Variants in PIAS3 observed in about 807,000 individuals in gnomAD.
PIAS3 encodes the protein protein inhibitor of activated STAT 3.
A neutral mutation model predicts 67.6 loss-of-function variants in PIAS3; 34 were observed. The ratio of observed to expected loss-of-function variants is 0.50; its 90% confidence interval spans 0.38 to 0.67. The LOEUF (loss-of-function observed/expected upper bound fraction) is 0.67. PIAS3 is among the 30% of genes least tolerant of loss of function. The probability of loss-of-function intolerance (pLI) is 0.00; values close to 1 mark genes in which losing one functional copy is unlikely to be tolerated. For synonymous variants in PIAS3, 341 were observed against 313.8 expected (o/e 1.09, Z -0.92); for missense variants, 693 against 791.6 (o/e 0.88, Z 1.49).
At chr1:145,850,395 G>A in intron 12 of PIAS3, 58 bp downstream of exon 12, 1 of 1,611,330 alleles carries the variant, frequency 6.2e-7, no homozygotes, top group Non-Finnish European at 8.5e-7. Context: ...CAGGGGTTCT[G>A]ATGTAGCTCT....
chr1:145,856,525 C>T (rs1653194575), intron 2 of PIAS3, 64 bp downstream of exon 2: 1 of 1,597,340 alleles, frequency 6.3e-7, no homozygotes, highest in African/African-American at 1.3e-5. Flanking sequence ...AGGACTAAAG[C>T]CTAAGAAATG....
chr1:145,850,976 G>A, intron 10 of PIAS3, 37 bp from the exon 11 acceptor site: 3 of 1,614,104 alleles, frequency 1.9e-6, no homozygotes, highest in Non-Finnish European at 2.5e-6. Context: ...CAGAGAAGAG[G>A]CCATCCAAGA....
At chr1:145,857,417 C>A in intron 1 of PIAS3, 1 of 197,332 alleles carries the variant, frequency 5.1e-6, no homozygotes, top group Non-Finnish European at 1.1e-5. Flanking sequence ...TCCCAGCCTC[C>A]TGGGAACAGG....
chr1:145,854,315 AG>A, intron 7 of PIAS3, 142 bp downstream of exon 7: 1 of 641,824 alleles, frequency 1.6e-6, no homozygotes, highest in African/African-American at 1.8e-5. Flanking sequence ...AAGACTGGTC[AG>A]GGGTAGAGGG....
Position 145,856,666 on chromosome 1 carries a change from G to A in PIAS3, c.365C>T (p.Pro122Leu). 6.2e-7 allele frequency: 1 copy of A among 1,603,694 alleles called. No homozygotes were observed. The highest frequency in any genetic ancestry group is 8.5e-7 in the Non-Finnish European group (1 of 1,173,794). Residue 122 changes from proline to leucine, a missense_variant, in exon 2 of 14, where the codon CCT becomes CTT. Physicochemically the swap from Pro to Leu is moderately conservative, Grantham distance 98 (BLOSUM62 -3). This residue lies in a region of PIAS3 where 308 missense variants were observed against 348.8 expected (regional missense o/e 0.88). Coordinates refer to ENST00000393045, the MANE Select transcript of PIAS3 (RefSeq NM_006099.3). ...EVDMHPPLPQ[P>L]VHPDVTMKPL... Reference sequence around the variant, plus strand: ...TTTCATGGTGACATCAGGGTGCACAGGCTGGGGCAGAGGGGGGTGCATGTC... The same window carrying A: ...TTTCATGGTGACATCAGGGTGCACAAGCTGGGGCAGAGGGGGGTGCATGTC...
At chr1:145,854,130 G>A in intron 7 of PIAS3, 1 of 596,630 alleles carries the variant, frequency 1.7e-6, no homozygotes, top group Non-Finnish European at 3.0e-6. Context: ...GAGATGATCT[G>A]GAGGAGTTGA....
intron 13 of PIAS3, chr1:145,849,921 G>A: frequency 7.0e-7 from 1 of 1,434,262 alleles, no homozygotes; most frequent in Middle Eastern, 2.6e-4. Context: ...AACTTGTTAG[G>A]TTCTTGGCTT....
chr1:145,856,998 C>T lies in PIAS3; in HGVS notation c.33G>A (p.Val11=), dbSNP rs1392616454. Residue 11 remains valine (V), a synonymous_variant, in exon 2 of 14, where the codon GTG becomes GTA. Transcript: ENST00000393045. ...GGAGCTCAGACACCCGGAAACTCATCACCATGTGCTGTGGAGAAAAACAGA... is the reference window on the plus strand; with the variant it reads ...GGAGCTCAGACACCCGGAAACTCATTACCATGTGCTGTGGAGAAAAACAGA... MAELGELKHM[V]MSFRVSELQV... 6.2e-7 allele frequency: 1 copy of T among 1,613,712 alleles called. No homozygotes were observed. Among genetic ancestry groups the T allele is most frequent in the African/African-American group, 1.3e-5 (1 of 74,886 alleles).
intron 5 of PIAS3, 139 bp downstream of exon 5, chr1:145,855,597 T>C (rs781944082): frequency 1.5e-6 from 1 of 652,634 alleles, no homozygotes. Flanking sequence ...CGAGATTCTA[T>C]TGATTCAGTC....
rs1553734821 is a variant in PIAS3 at position 145,853,586 on chromosome 1, G to C, written c.1063C>G (p.Leu355Val). The C allele has an allele frequency of 5.0e-6, 8 of 1,613,952 alleles. No homozygotes were observed. Among genetic ancestry groups the C allele is most frequent in the Non-Finnish European group, 6.8e-6 (8 of 1,179,964 alleles). The stretch of plus-strand genomic sequence containing the variant: ...GTAGGCTTCTTCTCATTCATCTGTA[G>C]ATAAAGGGCAGCATCGAAGCTCTGC... ...HLQSFDAALY[L>V]QMNEKKPTWT... The change falls in exon 9 of 14, where the codon CTA (leucine) becomes GTA (valine). Residue 355 changes from leucine (L) to valine (V), a missense_variant. Around this residue, in one of 3 missense-constraint regions of PIAS3, gnomAD observed 115 missense variants for 181.8 expected, o/e 0.63. Transcript: ENST00000393045.
intron 7 of PIAS3, 106 bp from the exon 8 acceptor site, chr1:145,853,992 G>A: frequency 1.1e-6 from 1 of 927,178 alleles, no homozygotes. Flanking sequence ...CTGCTGGGTG[G>A]AGCGTCTTTG....
In PIAS3 at chr1:145,854,874, G is replaced by C. The variant is rs1245302661; in HGVS notation, c.676C>G (p.Leu226Val). The change falls in exon 6 of 14, where the codon CTT (leucine) becomes GTT (valine). Residue 226 changes from leucine (L) to valine (V), a missense_variant. By Grantham distance (32) the Leu-to-Val change is conservative (BLOSUM62 1). Coordinates refer to ENST00000393045, the MANE Select transcript of PIAS3 (RefSeq NM_006099.3). ...TCGGCCCCATTCTTGGTTGGGGGAA[G>C]GTAACCCTGGAGAAGGGAGGGATTG... ...NGKLCPLPGY[L>V]PPTKNGAEPK... The C allele has an allele frequency of 1.2e-6, 2 of 1,614,048 alleles. No individual in the cohort carries two copies. The highest frequency in any genetic ancestry group is 2.7e-5 in the African/African-American group (2 of 74,926).
At chr1:145,850,067 G>A in intron 13 of PIAS3, 165 bp downstream of exon 13, 1 of 1,467,698 alleles carries the variant, frequency 6.8e-7, no homozygotes, top group Non-Finnish European at 9.0e-7. Context: ...AGGAATCTCA[G>A]GAACTACCAG....
rs782342438 is a variant in PIAS3 at position 145,856,098 on chromosome 1, T to C, written c.548A>G (p.Lys183Arg). ...LTSREVLPGAKCDYTIQVQLR... is the reference protein window; with the variant it reads ...LTSREVLPGARCDYTIQVQLR... The stretch of plus-strand genomic sequence containing the variant: ...CTGCACCTGTATGGTATAATCACAT[T>C]TGGCTCCTGGCAGAACCTCTCTGTA... Residue 183 changes from lysine (K) to arginine (R), a missense_variant, in exon 4 of 14, where the codon AAA becomes AGA. Coordinates refer to ENST00000393045, the MANE Select transcript of PIAS3 (RefSeq NM_006099.3). 6.2e-7 allele frequency: 1 copy of C among 1,613,768 alleles called. No individual in the cohort carries two copies. The highest frequency in any genetic ancestry group is 1.3e-5 in the African/African-American group (1 of 74,844).
rs782480055 is a variant in PIAS3 at position 145,854,575 on chromosome 1, CA to C, written c.805-13del. ...GACAAGGAGTAATTCTACTTGGAGG[CA>C]GGGGGTAGACAATTAGCCTCTGCTT... On this transcript the variant is annotated splice_polypyrimidine_tract_variant and intron_variant, in intron 6 of 13. Transcript: ENST00000393045. The C allele has an allele frequency of 1.9e-6, 3 of 1,602,622 alleles. No homozygotes were observed. In the Admixed American group the frequency reaches 5.0e-5, roughly 27 times the overall value.
intron 9 of PIAS3, 63 bp downstream of exon 9, chr1:145,853,441 G>GAAA (rs1289542532): frequency 1.1e-5 from 13 of 1,179,258 alleles, no homozygotes; most frequent in Non-Finnish European, 1.4e-5. Context: ...AAAAGAAAAA[G>GAAA]AAATAACCAA....
chr1:145,850,019 C>T, intron 13 of PIAS3: 1 of 1,441,042 alleles, frequency 6.9e-7, no homozygotes, highest in East Asian at 2.5e-5. Flanking sequence ...TAGGCCAGGG[C>T]AGAAAAGTAA....
intron 3 of PIAS3, 85 bp from the exon 4 acceptor site, chr1:145,856,203 T>C: frequency 7.5e-7 from 1 of 1,324,640 alleles, no homozygotes; most frequent in Non-Finnish European, 1.1e-6. Context: ...GAAAGTCAGA[T>C]GTCCAGGAGA....
At chr1:145,857,359 T>C (rs1355412852) in intron 1 of PIAS3, 2 of 298,568 alleles carry the variant, frequency 6.7e-6, no homozygotes, top group African/African-American at 4.2e-5. Context: ...GGACTCTGCT[T>C]TAAGCTGCTT....
Sources: gnomAD v4.1 joint callset for allele counts on GRCh38, gnomAD v4.1.1 for gene constraint, gnomAD v4.1.1 regional missense constraint, MANE v1.5 for transcripts, NCBI Gene and HGNC (gene_info 2026-07-23, HGNC 2026-07-21) for gene names.